Variants in CLASRP observed in about 807,000 individuals in gnomAD.
CLASRP encodes the protein CLK4-associating serine/arginine rich protein.
A neutral mutation model predicts 99.9 loss-of-function variants in CLASRP; 52 were observed. That is an observed-to-expected ratio of 0.52 (90% CI 0.42 to 0.66). CLASRP has a LOEUF of 0.66. CLASRP is among the 30% of genes least tolerant of loss of function. CLASRP has a pLI of 0.00. For synonymous variants in CLASRP, 379 were observed against 373.0 expected (o/e 1.02, Z -0.18); for missense variants, 848 against 999.2 (o/e 0.85, Z 2.04).
At position 45,068,033 on chromosome 19, in the gene CLASRP, T is replaced by C; in HGVS notation, c.1686T>C (p.Gly562=). 1 of 1,613,526 alleles carries C rather than the reference T, an allele frequency of 6.2e-7. No individual in the cohort carries two copies. The change falls in exon 15 of 21, where the codon GGT becomes GGC. Residue 562 remains glycine (G), a synonymous_variant. Transcript: ENST00000221455. ...CACCCAGGACCGAACCTGCCGCTGGTAAAGAGACAGGAGCTGCCAAAGTCA... is the reference window on the plus strand; with the variant it reads ...CACCCAGGACCGAACCTGCCGCTGGCAAAGAGACAGGAGCTGCCAAAGTCA... ...EKLKKTEPAA[G]KETGAAKPKL...
intron 7 of CLASRP, 72 bp from the exon 8 acceptor site, chr19:45,059,196 C>T (rs890581358): frequency 1.3e-5 from 17 of 1,334,436 alleles, no homozygotes; most frequent in Non-Finnish European, 1.8e-5. Flanking sequence ...ATCCCCGCCT[C>T]CTGGAGCACT....
In CLASRP at chr19:45,060,955, G is replaced by A. The variant is rs1390370191; in HGVS notation, c.863+328G>A. Among the ~76,000 whole-genome samples the A allele has an allele frequency of 6.6e-6, 1 of 152,212 alleles. No homozygotes were observed. The highest frequency in any genetic ancestry group is 1.5e-5 in the Non-Finnish European group (1 of 68,046). On this transcript the variant is annotated intron_variant, in intron 10 of 20. Coordinates refer to ENST00000221455, the MANE Select transcript of CLASRP (RefSeq NM_007056.3). The surrounding 1 kb of genome is among the most constrained non-coding windows in gnomAD (Gnocchi z 4.6). ...CCCTGGACTCTCACCCAGTTCTGCT[G>A]CTTGGCTTCTTCCTGTGTCGGAGTT...
intron 2 of CLASRP, among the ~76,000 whole-genome samples, chr19:45,045,342 C>T (rs2122534030): frequency 6.6e-6 from 1 of 152,212 alleles, no homozygotes; most frequent in Non-Finnish European, 1.5e-5. Context: ...ATGGTGAAAC[C>T]CCGTCTATAC....
chr19:45,064,222 C>G lies in CLASRP; in HGVS notation c.1116C>G (p.Ser372Arg). Reference protein sequence around the residue: ...PGGPAPGRNASARRRSSSSSS... With the variant: ...PGGPAPGRNARARRRSSSSSS... Reference sequence around the variant, plus strand: ...GCCCCGCCCCGGGACGTAATGCCAGCGCCCGGTCGGTAACGCTCACGCCGC... The same window carrying G: ...GCCCCGCCCCGGGACGTAATGCCAGGGCCCGGTCGGTAACGCTCACGCCGC... Residue 372 changes from serine (S) to arginine (R), a missense_variant, in exon 12 of 21, where the codon AGC becomes AGG. Ser to Arg is a moderately radical substitution (Grantham distance 110). Around this residue, in one of 8 missense-constraint regions of CLASRP, gnomAD observed 489 missense variants for 434.7 expected, o/e 1.12. Transcript: ENST00000221455. 3 of 1,590,426 alleles carry G rather than the reference C, an allele frequency of 1.9e-6. No individual in the cohort carries two copies. The highest frequency in any genetic ancestry group is 1.3e-5 in the African/African-American group (1 of 74,738).
intron 11 of CLASRP, 42 bp downstream of exon 11, chr19:45,062,237 C>T: frequency 8.9e-7 from 1 of 1,127,460 alleles, no homozygotes; most frequent in Non-Finnish European, 1.4e-6. Flanking sequence ...GACAGGGAGC[C>T]TCCTGATGGG....
At chr19:45,052,740 G>A (rs1568414425) in intron 3 of CLASRP, 51 bp from the exon 4 acceptor site, 1 of 1,365,228 alleles carries the variant, frequency 7.3e-7, no homozygotes, top group Non-Finnish European at 1.0e-6. Context: ...TTTGTGTCCT[G>A]GGCAGTATGG....
At chr19:45,065,044 C>T (rs1967052505) in intron 13 of CLASRP, among the ~76,000 whole-genome samples, 1 of 152,168 alleles carries the variant, frequency 6.6e-6, no homozygotes, top group African/African-American at 2.4e-5. Context: ...GGGGGAGGGG[C>T]GCGTTCCTGT....
Position 45,070,873 on chromosome 19 carries a change from A to AAC in CLASRP, c.*28_*29insAC. ...AGAAGAGTGGGGGGTGGGGAGGACA[A>AAC]GGGGGTGGGTAAGGGGCTCAAGCTG... On this transcript the variant is annotated 3_prime_UTR_variant, in exon 21 of 21. Coordinates refer to ENST00000221455, the MANE Select transcript of CLASRP (RefSeq NM_007056.3). 6.6e-6 allele frequency: 4 copies of AAC among 609,072 alleles called. No individual in the cohort carries two copies. The highest frequency in any genetic ancestry group is 1.2e-5 in the Non-Finnish European group (4 of 341,586). 37.7% of individuals were successfully genotyped at this position (609,072 alleles called of 1,614,324 possible).
At position 45,064,328 on chromosome 19, in the gene CLASRP, G is replaced by C. The variant is rs986548664; in HGVS notation, c.1122-15G>C. 1 of 1,519,464 alleles carries C rather than the reference G, an allele frequency of 6.6e-7. No individual in the cohort carries two copies. Among genetic ancestry groups the C allele is most frequent in the Non-Finnish European group, 8.8e-7 (1 of 1,137,596 alleles). The allele number at this position is 1,519,464 out of a possible 1,614,324, so 94.1% of individuals were successfully genotyped here. ...TCAGGCCTGCGCTGACCGGCCCTCC[G>C]TGCCCCGCCTGCAGCCGCCGCTCCT... On this transcript the variant is annotated splice_polypyrimidine_tract_variant and intron_variant, in intron 12 of 20. Coordinates refer to ENST00000221455, the MANE Select transcript of CLASRP (RefSeq NM_007056.3).
In CLASRP at chr19:45,070,932, G is replaced by A; in HGVS notation, c.*87G>A. 1.2e-6 allele frequency: 1 copy of A among 856,868 alleles called. No individual in the cohort carries two copies. The highest frequency in any genetic ancestry group is 1.9e-6 in the Non-Finnish European group (1 of 539,374). 53.1% of individuals were successfully genotyped at this position (856,868 alleles called of 1,614,324 possible). A position where few individuals can be genotyped will look rare whatever the true frequency, so the allele number is the denominator to read the frequency against. ...CTGGTTTTATCTCTAGTGAAATAAA[G>A]TCAAAAGTTATTTAATTCCCGTCAC... On this transcript the variant is annotated 3_prime_UTR_variant, in exon 21 of 21. Coordinates refer to ENST00000221455, the MANE Select transcript of CLASRP (RefSeq NM_007056.3).
At chr19:45,057,411 G>T (rs1192356325) in intron 6 of CLASRP, among the ~76,000 whole-genome samples, 2 of 152,246 alleles carry the variant, frequency 1.3e-5, no homozygotes, top group African/African-American at 4.8e-5. Context: ...GCACCTGGCT[G>T]CTCAGGAGGA....
At chr19:45,068,940 A>C (rs1967164439) in intron 16 of CLASRP, 126 bp from the exon 17 acceptor site, 3 of 878,318 alleles carry the variant, frequency 3.4e-6, no homozygotes, top group African/African-American at 1.7e-5. Flanking sequence ...CAGTGAGCCA[A>C]GATCACGCCA....
chr19:45,056,592 C>T, intron 6 of CLASRP, 58 bp downstream of exon 6: 1 of 1,360,728 alleles, frequency 7.3e-7, no homozygotes, highest in Admixed American at 1.7e-5. Flanking sequence ...GGAGCCCCAG[C>T]CAGGCATGGC....
chr19:45,052,279 C>G (rs530832677), intron 3 of CLASRP, 111 bp downstream of exon 3: 1 of 852,316 alleles, frequency 1.2e-6, no homozygotes, highest in Non-Finnish European at 1.9e-6. Flanking sequence ...CCTTTGGGGA[C>G]TCAGAGGCAG....
rs757987658 is a variant in CLASRP, at chr19:45,040,278, G to A, written c.66G>A (p.Arg22=). Residue 22 remains arginine (R), a synonymous_variant, in exon 2 of 21, where the codon AGG becomes AGA. Transcript: ENST00000221455. ...GCATGATGGTCGACTACAAGAAGAG[G>A]GCGGAGCGGAGACGGGAGTATTATG... ...LRGMMVDYKK[R]AERRREYYEK... The A allele has an allele frequency of 1.4e-5, 23 of 1,612,252 alleles. No homozygotes were observed. The highest frequency in any genetic ancestry group is 1.9e-5 in the Non-Finnish European group (23 of 1,179,530).
At chr19:45,064,742 C>T (rs1036581592) in intron 13 of CLASRP, 112 bp downstream of exon 13, 1 of 1,437,700 alleles carries the variant, frequency 7.0e-7, no homozygotes, top group Non-Finnish European at 9.1e-7. Context: ...GAGAACACCC[C>T]ATCTAAGGGG....
intron 10 of CLASRP, 128 bp from the exon 11 acceptor site, chr19:45,062,026 C>T: frequency 1.4e-6 from 1 of 717,000 alleles, no homozygotes. Context: ...GGCCCCCAAC[C>T]TGGTCAGCAG....
chr19:45,041,738 C>T (rs1480375763), intron 2 of CLASRP, among the ~76,000 whole-genome samples: 1 of 152,224 alleles, frequency 6.6e-6, no homozygotes, highest in African/African-American at 2.4e-5. Context: ...AGCCCAGGCT[C>T]CTCACTGTGG....
chr19:45,056,397 G>A, intron 5 of CLASRP, 53 bp from the exon 6 acceptor site: 3 of 1,542,430 alleles, frequency 1.9e-6, no homozygotes, highest in Non-Finnish European at 9.0e-7. Flanking sequence ...TTCCCCCACT[G>A]AATTCCTAGT....
Sources: gnomAD v4.1 joint callset for allele counts (sites outside exome capture counted in the v4.1 genomes callset) on GRCh38, gnomAD v4.1.1 for gene constraint, gnomAD v4.1.1 regional missense constraint, Gnocchi (gnomAD v3.1) non-coding constraint, MANE v1.5 for transcripts, NCBI Gene and HGNC (gene_info 2026-07-23, HGNC 2026-07-21) for gene names.